The following ROBO2 variants were observed in gnomAD, a reference collection of about 807,000 sequenced individuals.
ROBO2 encodes the protein roundabout homolog 2.
Under a neutral mutation model 160.8 loss-of-function variants are expected in ROBO2, and 53 were observed. That is an observed-to-expected ratio of 0.33 (90% CI 0.26 to 0.41). The LOEUF (loss-of-function observed/expected upper bound fraction) is 0.41. Among genes scored for constraint, ROBO2 ranks in the 10% least tolerant of loss-of-function variants. ROBO2 has a pLI of 1.00. For missense variants in ROBO2, 1,577 were observed against 1,722.4 expected (o/e 0.92, Z 1.49); for synonymous variants, 664 against 611.7 (o/e 1.09, Z -1.26).
At chr3:77,001,828 A>G (rs1332665311) in intron 2 of ROBO2, among the ~76,000 whole-genome samples, 1 of 152,076 alleles carries the variant, frequency 6.6e-6, no homozygotes, top group Non-Finnish European at 1.5e-5. Context: ...TGCTTAATAT[A>G]TTATGTTGCC....
intron 2 of ROBO2, among the ~76,000 whole-genome samples, chr3:77,411,114 CTG>C (rs1377746782): frequency 2.0e-5 from 3 of 152,224 alleles, no homozygotes; most frequent in African/African-American, 7.2e-5. Flanking sequence ...AGCTTGTAAT[CTG>C]TAATCTCTTA....
chr3:76,033,974 A>G (rs2067015025), intron 2 of ROBO2, among the ~76,000 whole-genome samples: 1 of 152,230 alleles, frequency 6.6e-6, no homozygotes, highest in African/African-American at 2.4e-5. Flanking sequence ...GTCCTAGAAC[A>G]TAACTTCCGT....
chr3:76,328,827 C>G (rs772166623), intron 2 of ROBO2, among the ~76,000 whole-genome samples: 1 of 151,448 alleles, frequency 6.6e-6, no homozygotes, highest in African/African-American at 2.4e-5. Context: ...CCACCGCACT[C>G]CAGCCTGGGC....
chr3:76,023,418 C>T (rs367913770), intron 2 of ROBO2, among the ~76,000 whole-genome samples: 27 of 151,698 alleles, frequency 1.8e-4, no homozygotes, highest in East Asian at 1.5e-3. Flanking sequence ...TTTCTTTTCA[C>T]GTGAACACTT....
intron 2 of ROBO2, among the ~76,000 whole-genome samples, chr3:76,371,644 T>C (rs2076107779): frequency 6.6e-6 from 1 of 151,958 alleles, no homozygotes; most frequent in South Asian, 2.1e-4. Context: ...TATTTTCAAG[T>C]TGATATTTTC....
chr3:76,515,653 G>A (rs1044667597), intron 2 of ROBO2, among the ~76,000 whole-genome samples: 1 of 152,124 alleles, frequency 6.6e-6, no homozygotes, highest in Admixed American at 6.6e-5. Context: ...AATATGTATT[G>A]AGCATTTATT....
intron 2 of ROBO2, among the ~76,000 whole-genome samples, chr3:75,983,583 G>A (rs762593074): frequency 6.6e-6 from 1 of 151,252 alleles, no homozygotes; most frequent in Non-Finnish European, 1.5e-5. Flanking sequence ...ACTGAATTGT[G>A]CCCCTTACAT....
chr3:76,594,639 C>T (rs2086626500), intron 2 of ROBO2, among the ~76,000 whole-genome samples: 1 of 151,866 alleles, frequency 6.6e-6, no homozygotes, highest in Non-Finnish European at 1.5e-5. Flanking sequence ...ACTCCTCTGT[C>T]TCCATTAGAA....
intron 2 of ROBO2, among the ~76,000 whole-genome samples, chr3:77,269,290 A>G (rs2059337049): frequency 6.6e-6 from 1 of 152,216 alleles, no homozygotes. Flanking sequence ...TCAAATATAC[A>G]GAAAAGAAGA....
intron 2 of ROBO2, among the ~76,000 whole-genome samples, chr3:76,210,231 T>TA (rs1188312834): frequency 7.2e-5 from 11 of 152,146 alleles, no homozygotes; most frequent in Middle Eastern, 3.4e-3. Flanking sequence ...AATTTCAAAA[T>TA]AAAAAAACAC....
chr3:76,576,780 C>CA (rs56044277), intron 2 of ROBO2, among the ~76,000 whole-genome samples: 52,038 of 92,782 alleles, frequency 0.56, 14,554 homozygotes, highest in Middle Eastern at 0.67. Flanking sequence ...CTCCGTCTCA[C>CA]AAAAAAAAAA....
At chr3:76,054,114 TGA>T (rs2067752615) in intron 2 of ROBO2, among the ~76,000 whole-genome samples, 2 of 152,142 alleles carry the variant, frequency 1.3e-5, no homozygotes, top group Non-Finnish European at 2.9e-5. Flanking sequence ...TTTTTGTAAT[TGA>T]GAGTTATATT....
intron 2 of ROBO2, among the ~76,000 whole-genome samples, chr3:77,132,966 C>T (rs2075984243): frequency 6.6e-6 from 1 of 152,000 alleles, no homozygotes; most frequent in African/African-American, 2.4e-5. Context: ...TATGGTTGCT[C>T]CATATGAAAT....
At chr3:76,151,719 C>T (rs1319077028) in intron 2 of ROBO2, among the ~76,000 whole-genome samples, 1 of 152,092 alleles carries the variant, frequency 6.6e-6, no homozygotes, top group African/African-American at 2.4e-5. Flanking sequence ...GATCCATTTT[C>T]CAAACACTTG....
chr3:76,146,534 C>A (rs1299025802), intron 2 of ROBO2, among the ~76,000 whole-genome samples: 1 of 151,808 alleles, frequency 6.6e-6, no homozygotes, highest in Non-Finnish European at 1.5e-5. Context: ...TCGGTCCTTT[C>A]AGGATAACCC....
chr3:76,187,250 T>C (rs1386791077), intron 2 of ROBO2, among the ~76,000 whole-genome samples: 1 of 151,978 alleles, frequency 6.6e-6, no homozygotes, highest in African/African-American at 2.4e-5. Flanking sequence ...AAAGCACTCA[T>C]TGGTTTTTGT....
At chr3:76,081,469 A>T (rs1339031756) in intron 2 of ROBO2, among the ~76,000 whole-genome samples, 2 of 152,182 alleles carry the variant, frequency 1.3e-5, no homozygotes, top group African/African-American at 4.8e-5. Flanking sequence ...AGCAATCAAT[A>T]AACAATAATA....
intron 2 of ROBO2, among the ~76,000 whole-genome samples, chr3:76,041,817 G>A (rs2067283318): frequency 6.6e-6 from 1 of 151,640 alleles, no homozygotes; most frequent in Non-Finnish European, 1.5e-5. Context: ...TTTGGCTTTT[G>A]GAAATAAAGA....
rs548852118 is a variant in ROBO2 at position 76,342,732 on chromosome 3, C to T, written c.109+405130C>T. Reference sequence around the variant, plus strand: ...AGGGAATTTTTTACAGAATTATTGTCATTGGACTACTGTATTTTCAAAATA... The same window carrying T: ...AGGGAATTTTTTACAGAATTATTGTTATTGGACTACTGTATTTTCAAAATA... On this transcript the variant is annotated intron_variant, in intron 2 of 26. Coordinates refer to the ROBO2 transcript ENST00000487694. Among the ~76,000 whole-genome samples the T allele has an allele frequency of 2.1e-4, 32 of 152,084 alleles. No homozygotes were observed. The South Asian group carries it at 6.4e-3, about 31-fold the overall frequency.
Sources: gnomAD v4.1 joint callset for allele counts (sites outside exome capture counted in the v4.1 genomes callset) on GRCh38, gnomAD v4.1.1 for gene constraint, MANE v1.5 for transcripts, NCBI Gene and HGNC (gene_info 2026-07-23, HGNC 2026-07-21) for gene names.